Variants in ERI1 observed in about 807,000 individuals in gnomAD.
The protein encoded by ERI1 is 3'-5' exoribonuclease 1.
Under a neutral mutation model 39.7 loss-of-function variants are expected in ERI1, and 39 were observed. The observed-to-expected ratio is 0.98, with a 90% CI of 0.76 to 1.28. The LOEUF (loss-of-function observed/expected upper bound fraction) is 1.28, where lower values mean the gene tolerates loss of function less well. Among genes scored for constraint, ERI1 ranks in the 50% most tolerant of loss-of-function variants. The pLI is 0.00. For synonymous variants in ERI1, 204 were observed against 149.6 expected (o/e 1.36, Z -2.65); for missense variants, 581 against 416.9 (o/e 1.39, Z -3.43).
At position 9,072,812 on chromosome 8, in the gene ERI1, C is replaced by CGG. The variant is rs1429771028; in HGVS notation, n.300-43536_300-43535insGG. Among the ~76,000 whole-genome samples, 336 of 151,908 alleles carry CGG rather than the reference C, an allele frequency of 2.2e-3. 3 individuals are homozygous for CGG. The highest frequency in any genetic ancestry group is 7.5e-3 in the African/African-American group (311 of 41,230). ...ACAGAAGCAGCCCCAGAGAGAGAAG[C>CGG]AGAGGGTCAGGGTCAGGGTCAGCAC... On this transcript the variant is annotated intron_variant and non_coding_transcript_variant, in intron 3 of 3. Coordinates refer to the ERI1 transcript ENST00000518663.
chr8:9,090,336 G>C (rs913862699), intron 3 of ERI1, among the ~76,000 whole-genome samples: 1 of 152,172 alleles, frequency 6.6e-6, no homozygotes, highest in Non-Finnish European at 1.5e-5. Context: ...TGTTTCTCCA[G>C]TGATGTAAAA....
intron 3 of ERI1, among the ~76,000 whole-genome samples, chr8:9,014,060 C>A (rs1291420889): frequency 1.3e-5 from 2 of 152,186 alleles, no homozygotes; most frequent in African/African-American, 4.8e-5. Flanking sequence ...CTGCTCAAAA[C>A]CCTGCAATGG....
chr8:9,036,816 C>G (rs1464923230), downstream of ERI1, among the ~76,000 whole-genome samples: 1 of 152,098 alleles, frequency 6.6e-6, no homozygotes, highest in Admixed American at 6.6e-5. Context: ...TTGAGCCTTC[C>G]CCTTGAAGTG....
At chr8:9,038,931 CT>C in intron 3 of ERI1, among the ~76,000 whole-genome samples, 1 of 152,278 alleles carries the variant, frequency 6.6e-6, no homozygotes, top group Admixed American at 6.5e-5. Flanking sequence ...TTACTCAGTT[CT>C]TTAATTTCCG....
chr8:9,044,608 G>A (rs1259996667), intron 3 of ERI1, among the ~76,000 whole-genome samples: 1 of 152,128 alleles, frequency 6.6e-6, no homozygotes, highest in Non-Finnish European at 1.5e-5. Flanking sequence ...GGACTAGGGG[G>A]TCAAAGAGGG....
At chr8:9,042,781 T>C (rs576648886) in intron 3 of ERI1, among the ~76,000 whole-genome samples, 1 of 152,304 alleles carries the variant, frequency 6.6e-6, no homozygotes, top group South Asian at 2.1e-4. Flanking sequence ...TTAGTGATGC[T>C]CAACGAATAA....
chr8:9,034,066 A>G (rs758964558), downstream of ERI1, among the ~76,000 whole-genome samples: 3 of 152,238 alleles, frequency 2.0e-5, no homozygotes, highest in African/African-American at 7.2e-5. Flanking sequence ...TCTTGAGATT[A>G]GAAATGTTAG....
At chr8:9,017,200 T>A (rs1358501714) in intron 4 of ERI1, among the ~76,000 whole-genome samples, 2 of 151,910 alleles carry the variant, frequency 1.3e-5, no homozygotes, top group African/African-American at 4.8e-5. Flanking sequence ...CCACGATGAT[T>A]GGCTAATTTT....
At position 9,023,412 on chromosome 8, in the gene ERI1, A is replaced by G. The variant is rs561628250; in HGVS notation, c.807+2948A>G. ...GAATAATTTTTATTATTAAAAATTA[A>G]TAAACCTTAAAATAATTTTCAGTCA... On this transcript the variant is annotated intron_variant, in intron 6 of 6. Coordinates refer to ENST00000250263, the MANE Select transcript of ERI1 (RefSeq NM_153332.4). Among the ~76,000 whole-genome samples the G allele has an allele frequency of 3.9e-5, 6 of 152,280 alleles. No individual in the cohort carries two copies. The South Asian group carries it at 1.2e-3, about 32-fold the overall frequency.
intron 3 of ERI1, among the ~76,000 whole-genome samples, chr8:9,066,984 G>C (rs910358395): frequency 6.6e-6 from 1 of 152,198 alleles, no homozygotes; most frequent in Non-Finnish European, 1.5e-5. Context: ...CATGAACTGG[G>C]AGAAGATTTG....
intron 2 of ERI1, chr8:9,008,946 C>T (rs1816358698): frequency 2.2e-6 from 1 of 453,560 alleles, no homozygotes; most frequent in South Asian, 1.6e-5. Context: ...CAAAAGAGCA[C>T]AAATTTATTA....
intron 3 of ERI1, among the ~76,000 whole-genome samples, chr8:9,053,544 T>C (rs1255136296): frequency 2.0e-5 from 3 of 152,178 alleles, no homozygotes; most frequent in African/African-American, 7.2e-5. Flanking sequence ...TGGGAAACTG[T>C]ATGTGAATCA....
intron 3 of ERI1, among the ~76,000 whole-genome samples, chr8:9,060,496 G>A (rs943323028): frequency 2.6e-5 from 4 of 152,214 alleles, no homozygotes; most frequent in African/African-American, 9.7e-5. Context: ...ATGGAACACT[G>A]AGAAGTGATC....
chr8:9,036,154 A>G (rs565329626), downstream of ERI1, among the ~76,000 whole-genome samples: 1 of 152,380 alleles, frequency 6.6e-6, no homozygotes, highest in South Asian at 2.1e-4. Flanking sequence ...CAAAGGATTT[A>G]GAATATTACA....
downstream of ERI1, among the ~76,000 whole-genome samples, chr8:9,036,717 A>G (rs550754259): frequency 7.8e-4 from 119 of 152,272 alleles, no homozygotes; most frequent in African/African-American, 2.6e-3. Flanking sequence ...GAGTAAAAGA[A>G]CAAAAGAGGA....
chr8:9,018,187 A>G (rs1817502453), intron 4 of ERI1, 110 bp from the exon 5 acceptor site: 1 of 552,436 alleles, frequency 1.8e-6, no homozygotes, highest in East Asian at 2.8e-5. Flanking sequence ...AATTTAAAGT[A>G]TCAGCCTTTC....
intron 2 of ERI1, among the ~76,000 whole-genome samples, chr8:9,010,618 A>G (rs543906832): frequency 4.0e-5 from 6 of 151,694 alleles, no homozygotes; most frequent in Non-Finnish European, 7.4e-5. Flanking sequence ...TTTACTTGGC[A>G]CTACACATTA....
intron 5 of ERI1, among the ~76,000 whole-genome samples, chr8:9,019,230 G>T (rs896470672): frequency 6.6e-6 from 1 of 152,182 alleles, no homozygotes; most frequent in Non-Finnish European, 1.5e-5. Context: ...GGCCATTAAG[G>T]TTGAAAAGAA....
intron 3 of ERI1, among the ~76,000 whole-genome samples, chr8:9,072,260 C>G (rs936498768): frequency 6.6e-6 from 1 of 152,088 alleles, no homozygotes; most frequent in Admixed American, 6.6e-5. Context: ...GTTTTCATAC[C>G]ACATTGACGG....
Sources: allele counts gnomAD v4.1 joint callset (sites outside exome capture counted in the v4.1 genomes callset), GRCh38; gene constraint gnomAD v4.1.1; transcripts MANE v1.5; gene names NCBI Gene and HGNC (gene_info 2026-07-23, HGNC 2026-07-21).